The following DOCK11 variants were observed in gnomAD, a reference collection of about 807,000 sequenced individuals.
The protein encoded by DOCK11 is dedicator of cytokinesis protein 11.
A neutral mutation model predicts 169.1 loss-of-function variants in DOCK11; 70 were observed. The observed-to-expected ratio is 0.41, with a 90% CI of 0.34 to 0.51. The LOEUF is 0.51. Among genes scored for constraint, DOCK11 ranks in the 20% least tolerant of loss-of-function variants. DOCK11 has a pLI of 0.10. For synonymous variants in DOCK11, 529 were observed against 541.3 expected (o/e 0.98, Z 0.32); for missense variants, 1,166 against 1,538.8 (o/e 0.76, Z 4.05).
chrX:118,520,334 T>C (rs1296267853), intron 1 of DOCK11, among the ~76,000 whole-genome samples: 3 of 112,469 alleles, frequency 2.7e-5, no homozygotes, highest in Non-Finnish European at 3.7e-5. Context: ...CTGTACTCTG[T>C]GTACCATAGG....
intron 18 of DOCK11, among the ~76,000 whole-genome samples, chrX:118,588,679 G>A (rs1421974741): frequency 8.9e-6 from 1 of 112,306 alleles, no homozygotes; most frequent in African/African-American, 3.2e-5. Context: ...AGCATATATA[G>A]CTTTAAAAAT....
At chrX:118,631,140 T>C (rs1453340403) in intron 35 of DOCK11, among the ~76,000 whole-genome samples, 1 of 110,064 alleles carries the variant, frequency 9.1e-6, no homozygotes, top group African/African-American at 3.3e-5. Context: ...CTTAGACAGT[T>C]CCCTCCCTTC....
intron 1 of DOCK11, among the ~76,000 whole-genome samples, chrX:118,505,453 G>A (rs146558466): frequency 0.013 from 1,444 of 112,346 alleles, 11 homozygotes; most frequent in Non-Finnish European, 0.022. Context: ...GGCAAGAGAC[G>A]TCTTTTGTAT....
At chrX:118,675,247 C>T (rs2016581786) in intron 46 of DOCK11, among the ~76,000 whole-genome samples, 1 of 111,904 alleles carries the variant, frequency 8.9e-6, no homozygotes, top group South Asian at 3.7e-4. Context: ...CAGCTTACAC[C>T]ATTGCTTATT....
rs1435208669 is a variant in DOCK11, at chrX:118,598,122, T to C, written c.2472+6T>C. 8.6e-7 allele frequency: 1 copy of C among 1,158,931 alleles called. No individual in the cohort carries two copies. Among genetic ancestry groups the C allele is most frequent in the Admixed American group, 2.3e-5 (1 of 44,232 alleles). On this transcript the variant is annotated splice_donor_region_variant and intron_variant, in intron 22 of 52. Coordinates refer to ENST00000276202, the MANE Select transcript of DOCK11 (RefSeq NM_144658.4). ...AATCTACCATTTACACTCAAGTAAGTTGCATCATTTGAATTTTGTCAATTT... is the reference window on the plus strand; with the variant it reads ...AATCTACCATTTACACTCAAGTAAGCTGCATCATTTGAATTTTGTCAATTT...
At chrX:118,593,413 A>C (rs1271178676) in intron 20 of DOCK11, 76 bp downstream of exon 20, 1 of 1,019,182 alleles carries the variant, frequency 9.8e-7, no homozygotes, top group Non-Finnish European at 1.3e-6. Context: ...TCTTTTCACC[A>C]AGCTATAGAC....
At chrX:118,524,781 G>A (rs748625581) in intron 1 of DOCK11, among the ~76,000 whole-genome samples, 1 of 111,204 alleles carries the variant, frequency 9.0e-6, no homozygotes. Context: ...GTGCATTGCT[G>A]GTGGGTAATG....
At chrX:118,623,368 G>T (rs963378149) in intron 31 of DOCK11, among the ~76,000 whole-genome samples, 1 of 112,824 alleles carries the variant, frequency 8.9e-6, no homozygotes, top group African/African-American at 3.2e-5. Flanking sequence ...GTGTATTTCA[G>T]ATAAAGGACC....
chrX:118,672,715 G>T (rs183085785), intron 46 of DOCK11, among the ~76,000 whole-genome samples: 1 of 113,239 alleles, frequency 8.8e-6, no homozygotes, highest in Non-Finnish European at 1.9e-5. Context: ...GATTACAGGC[G>T]TGAGCCACCG....
chrX:118,628,195 A>C lies in DOCK11; in HGVS notation c.3697A>C (p.Lys1233Gln). Reference protein sequence around the residue: ...YGSFQNGHGIKREDSRGSLIP... With the variant: ...YGSFQNGHGIQREDSRGSLIP... ...GTCTTTTCAAAATGGACATGGAATT[A>C]AGAGAGAAGATTCAAGAGGTTCCCT... Residue 1233 changes from lysine (K) to glutamine (Q), a missense_variant, in exon 34 of 53, where the codon AAG (lysine) becomes CAG (glutamine). By Grantham distance (53) the Lys-to-Gln change is moderately conservative. Transcript: ENST00000276202. 8.3e-7 allele frequency: 1 copy of C among 1,206,869 alleles called. No homozygotes were observed. The highest frequency in any genetic ancestry group is 1.1e-6 in the Non-Finnish European group (1 of 891,929).
chrX:118,580,070 A>T, intron 13 of DOCK11, 27 bp from the exon 14 acceptor site: 2 of 1,186,432 alleles, frequency 1.7e-6, no homozygotes, highest in Non-Finnish European at 2.3e-6. Flanking sequence ...AACAAATACA[A>T]GCCTATCTTC....
intron 46 of DOCK11, among the ~76,000 whole-genome samples, chrX:118,672,351 A>G (rs1158991748): frequency 8.9e-6 from 1 of 112,913 alleles, no homozygotes. Flanking sequence ...TTCTGTTGCT[A>G]CTATGCTGGG....
chrX:118,652,310 T>C (rs2015965171), intron 42 of DOCK11, among the ~76,000 whole-genome samples: 1 of 111,734 alleles, frequency 8.9e-6, no homozygotes, highest in Non-Finnish European at 1.9e-5. Context: ...GAATATACTA[T>C]GTATTCATAG....
At position 118,523,763 on chromosome X, in the gene DOCK11, AC is replaced by A. The variant is rs1348506712; in HGVS notation, c.103-18961del. Among the ~76,000 whole-genome samples the A allele has an allele frequency of 1.5e-4, 17 of 111,789 alleles. No individual in the cohort carries two copies. In the South Asian group the frequency reaches 6.0e-3, roughly 40 times the overall value. ...CTCATTGCCTGTGTAAATTGATCAT[AC>A]TCAATAATACTTAGAAAACAAACTC... On this transcript the variant is annotated intron_variant, in intron 1 of 52. Transcript: ENST00000276202.
Position 118,534,733 on chromosome X carries a change from A to AGT in DOCK11, c.103-7991_103-7990dup, listed in dbSNP as rs1384683444. On this transcript the variant is annotated intron_variant, in intron 1 of 52. Transcript: ENST00000276202. ...GCTTGGAAGGCATACGTGTAAGAGC[A>AGT]GTCTCTTTGTACTATTTAGCTGGTT... Among the ~76,000 whole-genome samples the AGT allele has an allele frequency of 6.3e-5, 7 of 111,963 alleles. No homozygotes were observed. The East Asian group carries it at 2.0e-3, about 31-fold the overall frequency.
intron 37 of DOCK11, among the ~76,000 whole-genome samples, chrX:118,638,461 C>G (rs1380657354): frequency 8.9e-6 from 1 of 111,923 alleles, no homozygotes; most frequent in Admixed American, 9.5e-5. Context: ...TGAAAACTAT[C>G]AATACTCACC....
At chrX:118,682,777 A>T (rs1199378854) in intron 51 of DOCK11, among the ~76,000 whole-genome samples, 1 of 112,151 alleles carries the variant, frequency 8.9e-6, no homozygotes, top group Non-Finnish European at 1.9e-5. Flanking sequence ...AATTAATGTC[A>T]GCACAACTTT....
intron 1 of DOCK11, among the ~76,000 whole-genome samples, chrX:118,514,879 C>A (rs866100202): frequency 8.9e-6 from 1 of 112,217 alleles, no homozygotes; most frequent in African/African-American, 3.2e-5. Flanking sequence ...TTACTAGTTG[C>A]GTTGGCTTCC....
At chrX:118,571,399 G>A (rs1346524575) in intron 10 of DOCK11, among the ~76,000 whole-genome samples, 2 of 108,162 alleles carry the variant, frequency 1.8e-5, no homozygotes, top group Non-Finnish European at 3.8e-5. Flanking sequence ...CACCCAGGTC[G>A]GAGTGCAGTG....
Sources: gnomAD v4.1 joint callset for allele counts (sites outside exome capture counted in the v4.1 genomes callset) on GRCh38, gnomAD v4.1.1 for gene constraint, MANE v1.5 for transcripts, NCBI Gene and HGNC (gene_info 2026-07-23, HGNC 2026-07-21) for gene names.